AMPH: variants seen among roughly 807,000 people sequenced by gnomAD.
The protein encoded by AMPH is amphiphysin (Stiff-Mann syndrome with breast cancer 128kD autoantigen).
Under a neutral mutation model 99.1 loss-of-function variants are expected in AMPH, and 49 were observed. The ratio of observed to expected loss-of-function variants is 0.49; its 90% CI spans 0.39 to 0.63. AMPH has a LOEUF of 0.63. AMPH is among the 20% of genes least tolerant of loss of function. The pLI is 0.00. For missense variants in AMPH, 759 were observed against 863.4 expected, an observed-to-expected ratio of 0.88 and a Z score of 1.52; for synonymous variants, 314 against 317.3, an observed-to-expected ratio of 0.99 and a Z score of 0.11.
chr7:38,622,812 T>C (rs1405780354), intron 1 of AMPH, among the ~76,000 whole-genome samples: 1 of 150,690 alleles, frequency 6.6e-6, no homozygotes, highest in Non-Finnish European at 1.5e-5. Context: ...ATAATATTCA[T>C]GGATATTCAT....
At chr7:38,407,945 G>A (rs1296614573) in intron 17 of AMPH, among the ~76,000 whole-genome samples, 2 of 152,060 alleles carry the variant, frequency 1.3e-5, no homozygotes, top group Non-Finnish European at 2.9e-5. Flanking sequence ...AGGGGGAAAT[G>A]GATATTTATC....
intron 1 of AMPH, among the ~76,000 whole-genome samples, chr7:38,563,396 C>A (rs899291385): frequency 6.6e-6 from 1 of 152,282 alleles, no homozygotes; most frequent in Middle Eastern, 3.4e-3. Context: ...TTATTTCATT[C>A]TATGGTATTT....
At chr7:38,608,638 T>G (rs1793516698) in intron 1 of AMPH, among the ~76,000 whole-genome samples, 2 of 152,156 alleles carry the variant, frequency 1.3e-5, no homozygotes, top group South Asian at 2.1e-4. Flanking sequence ...TGCCAATAAT[T>G]GTCACTACAG....
intron 1 of AMPH, among the ~76,000 whole-genome samples, chr7:38,612,895 A>G (rs915058116): frequency 1.3e-5 from 2 of 152,228 alleles, no homozygotes; most frequent in African/African-American, 4.8e-5. Context: ...ATTCTAAAGG[A>G]AGGTTAAAAG....
At chr7:38,396,524 T>A (rs75580317) in intron 17 of AMPH, among the ~76,000 whole-genome samples, 8,828 of 152,242 alleles carry the variant, frequency 0.058, 357 homozygotes, top group East Asian at 0.19. Flanking sequence ...ACTAATACAA[T>A]ATGGGTTCAC....
chr7:38,469,153 C>CAAAA (rs869172352), intron 7 of AMPH, among the ~76,000 whole-genome samples: 8 of 28,880 alleles, frequency 2.8e-4, no homozygotes, highest in Non-Finnish European at 2.9e-4. Flanking sequence ...GACTCCGCCT[C>CAAAA]AAAAAAAAAA....
chr7:38,482,788 A>G (rs1356737738), intron 5 of AMPH, among the ~76,000 whole-genome samples: 2 of 152,168 alleles, frequency 1.3e-5, no homozygotes, highest in Admixed American at 6.6e-5. Flanking sequence ...GTAGGAAGAC[A>G]CAATTTAACC....
At chr7:38,427,913 T>A (rs981141401) in intron 14 of AMPH, 1 of 456,616 alleles carries the variant, frequency 2.2e-6, no homozygotes, top group African/African-American at 2.0e-5. Context: ...CAGATAAATC[T>A]GAGTTGTTGA....
At chr7:38,394,269 A>G (rs1369187509) in intron 17 of AMPH, 55 bp from the exon 18 acceptor site, 1 of 1,580,202 alleles carries the variant, frequency 6.3e-7, no homozygotes, top group African/African-American at 1.3e-5. Context: ...CTCTGCCAGG[A>G]GTCAAACTCA....
At chr7:38,403,120 C>A (rs1464140453) in intron 17 of AMPH, among the ~76,000 whole-genome samples, 1 of 151,908 alleles carries the variant, frequency 6.6e-6, no homozygotes, top group Non-Finnish European at 1.5e-5. Context: ...GAAAGGGGAT[C>A]AAAGTTACAG....
chr7:38,419,253 C>T (rs374031536), intron 16 of AMPH, among the ~76,000 whole-genome samples: 1 of 152,034 alleles, frequency 6.6e-6, no homozygotes, highest in East Asian at 1.9e-4. Context: ...CAGAGAAGTG[C>T]TGGAAAAGTT....
At chr7:38,499,237 T>C (rs1309740746) in intron 3 of AMPH, among the ~76,000 whole-genome samples, 2 of 152,208 alleles carry the variant, frequency 1.3e-5, no homozygotes, top group Non-Finnish European at 2.9e-5. Context: ...GCAGGCACTA[T>C]GTCTTGTTCA....
At chr7:38,603,901 C>T (rs1242933876) in intron 1 of AMPH, among the ~76,000 whole-genome samples, 1 of 152,218 alleles carries the variant, frequency 6.6e-6, no homozygotes, top group Non-Finnish European at 1.5e-5. Context: ...AAGAGATGCA[C>T]ATTTTGACAA....
intron 1 of AMPH, among the ~76,000 whole-genome samples, chr7:38,605,625 G>A (rs1326588877): frequency 6.6e-6 from 1 of 151,814 alleles, no homozygotes; most frequent in Non-Finnish European, 1.5e-5. Flanking sequence ...CCCCAAGCAG[G>A]AGTGCAATGG....
chr7:38,441,806 A>ATATCATATATC lies in AMPH; in HGVS notation c.1018-5419_1018-5418insGATATATGATA, dbSNP rs1554336897. 7.0e-4 allele frequency among the ~76,000 whole-genome samples: 61 copies of ATATCATATATC among 87,346 alleles called. 3 individuals carry two copies. Among genetic ancestry groups the ATATCATATATC allele is most frequent in the East Asian group, 4.6e-3 (7 of 1,522 alleles). 57.3% of individuals were successfully genotyped at this position (87,346 alleles called of 152,430 possible). On this transcript the variant is annotated intron_variant, in intron 11 of 20. Coordinates refer to ENST00000356264, the MANE Select transcript of AMPH (RefSeq NM_001635.4). Reference sequence around the variant, plus strand: ...TATATCTGTCATATATATCATATATATATCATATATATCATATATCATATA... The same window carrying ATATCATATATC: ...TATATCTGTCATATATATCATATATATATCATATATCTATCATATATATCATATATCATATA...
chr7:38,437,639 A>AAAGAAAAAGAAAAG (rs1554336209), intron 11 of AMPH, among the ~76,000 whole-genome samples: 2 of 96,738 alleles, frequency 2.1e-5, no homozygotes, highest in African/African-American at 9.0e-5. Flanking sequence ...AAAAAAAAAA[A>AAAGAAAAAGAAAAG]AAAAGAAAAG....
intron 4 of AMPH, among the ~76,000 whole-genome samples, chr7:38,493,059 G>C (rs922177377): frequency 1.3e-5 from 2 of 152,174 alleles, no homozygotes; most frequent in Non-Finnish European, 2.9e-5. Context: ...GCCAACAAAT[G>C]CTTTCCTCAT....
intron 1 of AMPH, among the ~76,000 whole-genome samples, chr7:38,615,878 T>G (rs1426958096): frequency 6.6e-6 from 1 of 152,146 alleles, no homozygotes; most frequent in Middle Eastern, 3.2e-3. Flanking sequence ...CCAATGTCAG[T>G]GCAGCCAGAT....
At chr7:38,422,589 T>C in intron 15 of AMPH, 112 bp from the exon 16 acceptor site, 1 of 775,836 alleles carries the variant, frequency 1.3e-6, no homozygotes, top group South Asian at 1.7e-5. Flanking sequence ...TATCTATCTA[T>C]CTATCTATCT....
Sources: gnomAD v4.1 joint callset for allele counts (sites outside exome capture counted in the v4.1 genomes callset) on GRCh38, gnomAD v4.1.1 for gene constraint, MANE v1.5 for transcripts, NCBI Gene and HGNC (gene_info 2026-07-23, HGNC 2026-07-21) for gene names.